The following LRRC37B variants were observed in gnomAD, a reference collection of about 807,000 sequenced individuals.
LRRC37B encodes the protein leucine-rich repeat-containing protein 37B.
A neutral mutation model predicts 98.3 loss-of-function variants in LRRC37B; 28 were observed. The observed-to-expected ratio is 0.28, with a 90% CI of 0.21 to 0.39. The LOEUF (loss-of-function observed/expected upper bound fraction) is 0.39. Among genes scored for constraint, LRRC37B ranks in the 10% least tolerant of loss-of-function variants. LRRC37B has a pLI of 1.00. For synonymous variants in LRRC37B, 364 were observed against 442.7 expected, an observed-to-expected ratio of 0.82 and a Z score of 2.23; for missense variants, 938 against 1,182.7, an observed-to-expected ratio of 0.79 and a Z score of 3.03.
At chr17:32,024,539 G>A (rs1365178177) in intron 1 of LRRC37B, 172 bp from the exon 5 acceptor site, 16 of 1,109,118 alleles carry the variant, frequency 1.4e-5, no homozygotes, top group African/African-American at 3.1e-5. Flanking sequence ...CAGTGGCCCC[G>A]CATTATTTCT....
chr17:32,030,750 T>G, intron 4 of LRRC37B, 23 bp downstream of exon 7: 1 of 1,293,310 alleles, frequency 7.7e-7, no homozygotes, highest in Non-Finnish European at 1.1e-6. Flanking sequence ...TATAACTTTA[T>G]TACATTTGGA....
At chr17:32,018,662 C>G (rs1910697961), upstream of LRRC37B, among the ~76,000 whole-genome samples, 1 of 152,062 alleles carries the variant, frequency 6.6e-6, no homozygotes, top group Admixed American at 6.6e-5. Context: ...AAACAAGATA[C>G]CAGAGATGTG....
upstream of LRRC37B, chr17:32,007,944 A>G (rs755729440): frequency 4.1e-5 from 23 of 557,536 alleles, no homozygotes; most frequent in Non-Finnish European, 6.0e-5. The surrounding 1 kb of genome is among the most constrained non-coding windows in gnomAD (Gnocchi z 4.1). Context: ...GTGGTGTATG[A>G]TGACTACGAG....
exon 1 of LRRC37B, chr17:32,021,505 A>G (rs780013500): frequency 1.2e-6 from 2 of 1,614,066 alleles, no homozygotes; most frequent in Non-Finnish European, 1.7e-6. Context: ...GCACATCAGG[A>G]CTTAAATGAC....
chr17:32,034,916 C>T (rs112535435), exon 6 of LRRC37B: 3 of 1,610,380 alleles, frequency 1.9e-6, no homozygotes, highest in East Asian at 2.2e-5. Context: ...TCAGAATTCT[C>T]AATCGCAATC....
chr17:32,026,151 T>C (rs186541755), intron 2 of LRRC37B, among the ~76,000 whole-genome samples: 4 of 152,218 alleles, frequency 2.6e-5, no homozygotes, highest in African/African-American at 7.2e-5. Flanking sequence ...AAGTAACATT[T>C]TTCACAACAG....
At chr17:32,049,610 T>C (rs1353638181) in intron 10 of LRRC37B, among the ~76,000 whole-genome samples, 1 of 152,172 alleles carries the variant, frequency 6.6e-6, no homozygotes, top group Non-Finnish European at 1.5e-5. Flanking sequence ...CTCATGCCTG[T>C]AATCCCAGCA....
At chr17:32,038,776 T>C (rs1911322669) in intron 7 of LRRC37B, among the ~76,000 whole-genome samples, 1 of 152,062 alleles carries the variant, frequency 6.6e-6, no homozygotes, top group Non-Finnish European at 1.5e-5. Context: ...AAGAAGTGCT[T>C]GAACCTGGGA....
chr17:32,041,332 C>T (rs760029003), intron 7 of LRRC37B: 14 of 754,694 alleles, frequency 1.9e-5, no homozygotes, highest in East Asian at 4.9e-5. Flanking sequence ...AGGAGCATGC[C>T]GCCCCTAGAC....
intron 9 of LRRC37B, 183 bp downstream of exon 12, chr17:32,048,084 C>T: frequency 1.8e-6 from 2 of 1,091,258 alleles, no homozygotes; most frequent in South Asian, 2.9e-5. Flanking sequence ...TAGAAAGAGC[C>T]CCTCACAGTC....
chr17:32,020,931 G>A (rs1379072238), upstream of LRRC37B: 16 of 1,440,872 alleles, frequency 1.1e-5, no homozygotes, highest in Non-Finnish European at 1.4e-5. Context: ...GGGAGGGGAG[G>A]GGTGTTCCGG....
chr17:32,020,929 A>T, upstream of LRRC37B: 1 of 1,270,788 alleles, frequency 7.9e-7, no homozygotes, highest in Non-Finnish European at 1.0e-6. Context: ...AGGGGAGGGG[A>T]GGGGTGTTCC....
chr17:32,030,294 G>T (rs1198498942), intron 3 of LRRC37B, among the ~76,000 whole-genome samples: 1 of 151,982 alleles, frequency 6.6e-6, no homozygotes, highest in East Asian at 1.9e-4. Flanking sequence ...AACTAGGAAG[G>T]TGTATAAATG....
At chr17:32,032,773 C>T (rs1269865417) in intron 5 of LRRC37B, among the ~76,000 whole-genome samples, 1 of 152,302 alleles carries the variant, frequency 6.6e-6, no homozygotes, top group Non-Finnish European at 1.5e-5. Flanking sequence ...AGAACAGGCT[C>T]ATTAGGTCCC....
At chr17:32,014,373 A>G (rs1910604013) in intron 1 of LRRC37B, among the ~76,000 whole-genome samples, 1 of 152,238 alleles carries the variant, frequency 6.6e-6, no homozygotes, top group African/African-American at 2.4e-5. Flanking sequence ...ACTGAGAGAA[A>G]TGTCAATCCA....
intron 7 of LRRC37B, chr17:32,040,451 T>C: frequency 3.4e-6 from 2 of 584,402 alleles, no homozygotes; most frequent in Non-Finnish European, 3.2e-6. Context: ...GTTGCAGGGC[T>C]GAAAAAGCAG....
intron 3 of LRRC37B, among the ~76,000 whole-genome samples, chr17:32,028,262 A>T (rs1382694825): frequency 9.5e-4 from 2 of 2,114 alleles, no homozygotes; most frequent in African/African-American, 3.1e-3. Context: ...GAGAGATCAT[A>T]TGTGGCCCAC....
At chr17:32,043,076 C>A (rs1276118811) in intron 7 of LRRC37B, among the ~76,000 whole-genome samples, 1 of 152,116 alleles carries the variant, frequency 6.6e-6, no homozygotes, top group Non-Finnish European at 1.5e-5. Context: ...ATGTCTGCAA[C>A]TGACTCTCAA....
In LRRC37B at chr17:32,035,549, C is replaced by G. The variant is rs549426111; in HGVS notation, c.2130-16C>G. On this transcript the variant is annotated splice_polypyrimidine_tract_variant and intron_variant, in intron 6 of 11. Transcript: ENST00000327564. ...TAATGGGTTCATATCATGAATGTTT[C>G]GGCTTTCTTCTTCAGAGACATGGGA... 1.2e-6 allele frequency: 2 copies of G among 1,605,918 alleles called. No homozygotes were observed. Among genetic ancestry groups the G allele is most frequent in the Admixed American group, 3.4e-5 (2 of 59,362 alleles).
Sources: gnomAD v4.1 joint callset for allele counts (sites outside exome capture counted in the v4.1 genomes callset) on GRCh38, gnomAD v4.1.1 for gene constraint, Gnocchi (gnomAD v3.1) non-coding constraint, MANE v1.5 for transcripts, NCBI Gene and HGNC (gene_info 2026-07-23, HGNC 2026-07-21) for gene names.